The following MTUS2 variants were observed in gnomAD, a reference collection of about 807,000 sequenced individuals.
MTUS2 encodes the protein microtubule associated scaffold protein 2, also known as microtubule-associated tumor suppressor candidate 2.
MTUS2 carries 40 observed loss-of-function variants against 114.1 expected under a neutral mutation model. The ratio of observed to expected loss-of-function variants is 0.35; its 90% CI spans 0.27 to 0.46. The LOEUF (loss-of-function observed/expected upper bound fraction) is 0.46, where lower values mean the gene tolerates loss of function less well. MTUS2 is among the 20% of genes least tolerant of loss of function. The probability of loss-of-function intolerance (pLI) is 1.00; values close to 1 mark genes in which losing one functional copy is unlikely to be tolerated. For missense variants in MTUS2, 1,679 were observed against 1,705.4 expected, an observed-to-expected ratio of 0.98 and a Z score of 0.27; for synonymous variants, 688 against 672.0, an observed-to-expected ratio of 1.02 and a Z score of -0.37.
chr13:29,476,084 T>G (rs541695877), intron 9 of MTUS2, among the ~76,000 whole-genome samples: 1 of 152,224 alleles, frequency 6.6e-6, no homozygotes, highest in Non-Finnish European at 1.5e-5. Context: ...TGTGTAGATA[T>G]GATTAGATTC....
At chr13:29,366,162 G>C (rs1010838778) in intron 8 of MTUS2, among the ~76,000 whole-genome samples, 7 of 152,150 alleles carry the variant, frequency 4.6e-5, no homozygotes, top group Non-Finnish European at 1.5e-5. Context: ...ACTTGAGACT[G>C]GGCAATTTAC....
intron 6 of MTUS2, among the ~76,000 whole-genome samples, chr13:29,296,064 T>G (rs1898928771): frequency 6.6e-6 from 1 of 152,218 alleles, no homozygotes; most frequent in Admixed American, 6.5e-5. Context: ...ATTTTATACC[T>G]TGGCTGTTGT....
chr13:29,135,866 T>C (rs1441671328), intron 5 of MTUS2, among the ~76,000 whole-genome samples: 2 of 152,252 alleles, frequency 1.3e-5, no homozygotes, highest in Admixed American at 6.5e-5. Flanking sequence ...ATTACGTCTT[T>C]ATTTGTTGTG....
intron 7 of MTUS2, among the ~76,000 whole-genome samples, chr13:29,348,628 T>C (rs549215213): frequency 6.6e-6 from 1 of 152,248 alleles, no homozygotes; most frequent in Non-Finnish European, 1.5e-5. Context: ...TCTGTCTACA[T>C]GTCCTACCAG....
rs200627194 is a variant in MTUS2, at chr13:29,492,300, TGGTA to T, written c.3506-342_3506-339del. On this transcript the variant is annotated intron_variant, in intron 11 of 15. Transcript: ENST00000612955. ...TGGCATGTGGTGTGTATGTGATGTG[TGGTA>T]GGTGTGTATGTGTATGTGTGGCATG... Among the ~76,000 whole-genome samples, 1,490 of 150,974 alleles carry T rather than the reference TGGTA, an allele frequency of 9.9e-3. 20 individuals carry two copies. Among genetic ancestry groups the T allele is most frequent in the African/African-American group, 0.033 (1,370 of 40,994 alleles).
chr13:29,389,410 CGTGTGT>C lies in MTUS2; in HGVS notation c.3117+29942_3117+29947del, dbSNP rs144076814. On this transcript the variant is annotated intron_variant, in intron 8 of 15. Transcript: ENST00000612955. ...ACACGTGTGTGTATATATGTATACA[CGTGTGT>C]GTGTATGTATACACGTGTGTGTATG... is the stretch of plus-strand genomic sequence containing the variant. 3.8e-4 allele frequency among the ~76,000 whole-genome samples: 29 copies of C among 76,474 alleles called. 7 individuals are homozygous for C. The highest frequency in any genetic ancestry group is 1.4e-3 in the African/African-American group (27 of 19,418). 50.2% of individuals were successfully genotyped at this position (76,474 alleles called of 152,430 possible).
rs199789138 is a variant in MTUS2 at position 29,034,143 on chromosome 13, T to A, written c.2446+18T>A. The A allele has an allele frequency of 5.0e-6, 8 of 1,613,338 alleles. No homozygotes were observed. The Admixed American group carries it at 1.3e-4, about 27-fold the overall frequency. On this transcript the variant is annotated intron_variant, in intron 4 of 15. Coordinates refer to ENST00000612955, the MANE Select transcript of MTUS2 (RefSeq NM_001033602.4). ...TCCTTCAGGTAACCGATCCAACAGT[T>A]TCTGCCTTTTCCTGCTGTACGTTTA...
chr13:29,207,975 CTT>C (rs931861729), intron 5 of MTUS2, among the ~76,000 whole-genome samples: 1 of 151,948 alleles, frequency 6.6e-6, no homozygotes, highest in African/African-American at 2.4e-5. Context: ...CTTTTTCTGT[CTT>C]TTGAAATAGT....
At chr13:29,171,958 A>G (rs903736704) in intron 5 of MTUS2, among the ~76,000 whole-genome samples, 9 of 152,214 alleles carry the variant, frequency 5.9e-5, no homozygotes, top group Non-Finnish European at 1.3e-4. Flanking sequence ...ATGTAGTCCC[A>G]TCTAGCCGCA....
chr13:29,209,327 G>T (rs575453817), intron 5 of MTUS2, among the ~76,000 whole-genome samples: 13 of 152,166 alleles, frequency 8.5e-5, no homozygotes, highest in African/African-American at 3.1e-4. Context: ...ATGTTGTTTG[G>T]TGAGTCTCTT....
intron 2 of MTUS2, among the ~76,000 whole-genome samples, chr13:28,876,848 C>T (rs1211488080): frequency 6.6e-6 from 1 of 152,148 alleles, no homozygotes; most frequent in African/African-American, 2.4e-5. Context: ...ATACTTAGAA[C>T]AATCCCTGGC....
chr13:28,822,305 A>G (rs530983838), intron 1 of MTUS2, among the ~76,000 whole-genome samples: 29 of 152,290 alleles, frequency 1.9e-4, no homozygotes, highest in African/African-American at 2.4e-4. Flanking sequence ...TGTTTGGGCT[A>G]TTACATAATT....
intron 9 of MTUS2, among the ~76,000 whole-genome samples, chr13:29,466,384 TC>T (rs1358296899): frequency 6.6e-6 from 1 of 152,162 alleles, no homozygotes; most frequent in Non-Finnish European, 1.5e-5. Context: ...GCCTAAAAGT[TC>T]CTGGGTGGAA....
Position 29,351,551 on chromosome 13 carries a change from G to C in MTUS2, c.2906-7711G>C, listed in dbSNP as rs1869270153. ...AAATAACTCTACCTGCTGCCATCTA[G>C]ACACTCCACTATTCTACTACAAAGG... On this transcript the variant is annotated intron_variant, in intron 7 of 15. Coordinates refer to ENST00000612955, the MANE Select transcript of MTUS2 (RefSeq NM_001033602.4). Among the ~76,000 whole-genome samples, 4 of 151,724 alleles carry C rather than the reference G, an allele frequency of 2.6e-5. No individual in the cohort carries two copies. In the South Asian group the frequency reaches 8.3e-4, roughly 32 times the overall value.
chr13:29,342,753 G>A (rs1901462420), intron 7 of MTUS2, among the ~76,000 whole-genome samples: 1 of 152,118 alleles, frequency 6.6e-6, no homozygotes. Context: ...CAGAGGGAAT[G>A]CTTTCAGCTT....
intron 8 of MTUS2, among the ~76,000 whole-genome samples, chr13:29,364,336 C>T (rs1453365386): frequency 6.6e-6 from 1 of 152,052 alleles, no homozygotes; most frequent in Non-Finnish European, 1.5e-5. Flanking sequence ...GACGAGAACA[C>T]CCGATGCCTG....
intron 2 of MTUS2, among the ~76,000 whole-genome samples, chr13:28,847,320 G>T (rs1875954965): frequency 2.0e-5 from 3 of 151,930 alleles, no homozygotes; most frequent in South Asian, 4.2e-4. Context: ...TGAGGATGAG[G>T]GTGGAGTATA....
intron 5 of MTUS2, among the ~76,000 whole-genome samples, chr13:29,200,277 G>A (rs1041933434): frequency 6.6e-6 from 1 of 151,788 alleles, no homozygotes; most frequent in Non-Finnish European, 1.5e-5. Flanking sequence ...TTTTAATTGT[G>A]ATGTTAGGGT....
intron 2 of MTUS2, among the ~76,000 whole-genome samples, chr13:28,967,726 T>C (rs1239595424): frequency 1.3e-5 from 2 of 152,152 alleles, no homozygotes; most frequent in Non-Finnish European, 2.9e-5. Context: ...CACACACACA[T>C]GCCCTTGTTA....
Sources: gnomAD v4.1 joint callset for allele counts (sites outside exome capture counted in the v4.1 genomes callset) on GRCh38, gnomAD v4.1.1 for gene constraint, MANE v1.5 for transcripts, NCBI Gene and HGNC (gene_info 2026-07-23, HGNC 2026-07-21) for gene names.